Variants in CCDC68 observed in about 807,000 individuals in gnomAD.
CCDC68 encodes the protein coiled-coil domain-containing protein 68.
A neutral mutation model predicts 47.1 loss-of-function variants in CCDC68; 45 were observed. That is an observed-to-expected ratio of 0.96 (90% CI 0.75 to 1.23). CCDC68 has a LOEUF of 1.23. Among genes scored for constraint, CCDC68 ranks in the 50% most tolerant of loss-of-function variants. The pLI, the probability that CCDC68 is intolerant of heterozygous loss-of-function variation, is 0.00. For missense variants in CCDC68, 353 were observed against 373.6 expected (o/e 0.94, Z 0.45); for synonymous variants, 131 against 129.5 (o/e 1.01, Z -0.08).
At chr18:54,935,543 T>A (rs1310516500) in intron 6 of CCDC68, among the ~76,000 whole-genome samples, 1 of 152,160 alleles carries the variant, frequency 6.6e-6, no homozygotes, top group Non-Finnish European at 1.5e-5. Context: ...GCTTCCCTTG[T>A]AAATACCAAG....
At chr18:54,916,736 G>C (rs1487170864) in intron 10 of CCDC68, among the ~76,000 whole-genome samples, 1 of 152,164 alleles carries the variant, frequency 6.6e-6, no homozygotes, top group African/African-American at 2.4e-5. Flanking sequence ...CAGCAGCTGA[G>C]TGCTAGCAAG....
At chr18:54,929,060 A>G (rs1201293987) in intron 7 of CCDC68, among the ~76,000 whole-genome samples, 178 bp from the exon 8 acceptor site, 1 of 152,178 alleles carries the variant, frequency 6.6e-6, no homozygotes. Flanking sequence ...ACATAGTTCA[A>G]CTATAGGCCA....
chr18:54,907,972 T>C (rs181834327), intron 10 of CCDC68, 110 bp from the exon 11 acceptor site: 2 of 678,496 alleles, frequency 2.9e-6, no homozygotes, highest in Admixed American at 2.2e-5. Flanking sequence ...AGCAAGTTTG[T>C]TATTGCAGTT....
intron 10 of CCDC68, among the ~76,000 whole-genome samples, chr18:54,911,628 G>A (rs1914375141): frequency 1.3e-5 from 2 of 152,158 alleles, no homozygotes; most frequent in Admixed American, 1.3e-4. Flanking sequence ...ACAAGGGCAG[G>A]CACATATTAT....
chr18:54,910,456 G>A (rs1419842251), intron 10 of CCDC68, among the ~76,000 whole-genome samples: 1 of 152,216 alleles, frequency 6.6e-6, no homozygotes, highest in African/African-American at 2.4e-5. Flanking sequence ...GGAAGTATGT[G>A]CTGATTGCTC....
chr18:54,920,633 A>G (rs1432660404), intron 8 of CCDC68, among the ~76,000 whole-genome samples: 1 of 152,216 alleles, frequency 6.6e-6, no homozygotes, highest in African/African-American at 2.4e-5. Context: ...GCACATCTAA[A>G]CCACTATGAG....
chr18:54,924,188 A>C (rs957231060), intron 8 of CCDC68, among the ~76,000 whole-genome samples: 12 of 152,246 alleles, frequency 7.9e-5, no homozygotes, highest in African/African-American at 2.9e-4. Flanking sequence ...TGTTGAAATT[A>C]AAGCAGAATT....
intron 8 of CCDC68, among the ~76,000 whole-genome samples, chr18:54,925,414 T>C (rs2044128333): frequency 1.3e-5 from 2 of 152,150 alleles, no homozygotes; most frequent in South Asian, 2.1e-4. Flanking sequence ...GAATATAACA[T>C]GTTTAAATCT....
intron 1 of CCDC68, among the ~76,000 whole-genome samples, chr18:54,945,977 C>T (rs189036973): frequency 6.6e-6 from 1 of 152,314 alleles, no homozygotes; most frequent in East Asian, 1.9e-4. Flanking sequence ...AGTTTCCCTC[C>T]TGTTTGTACA....
At chr18:54,904,451 A>C in intron 11 of CCDC68, 36 bp from the exon 12 acceptor site, 1 of 1,545,962 alleles carries the variant, frequency 6.5e-7, no homozygotes, top group Non-Finnish European at 8.9e-7. Flanking sequence ...AAAATGGAGA[A>C]TGTTAAACTC....
chr18:54,954,567 G>C (rs948329639), intron 1 of CCDC68: 2 of 152,188 alleles, frequency 1.3e-5, no homozygotes, highest in African/African-American at 2.4e-5. Flanking sequence ...GGTGCTTACA[G>C]CTCAATACTA....
intron 8 of CCDC68, among the ~76,000 whole-genome samples, chr18:54,927,118 G>A (rs144876036): frequency 1.3e-5 from 2 of 152,226 alleles, no homozygotes; most frequent in African/African-American, 4.8e-5. Context: ...AAAAGAGTCT[G>A]AGTCATACTG....
At chr18:54,928,735 C>T in intron 8 of CCDC68, 65 bp downstream of exon 8, 1 of 985,632 alleles carries the variant, frequency 1.0e-6, no homozygotes, top group Non-Finnish European at 1.6e-6. Flanking sequence ...TGTTCCCTGG[C>T]TGGCATACCA....
rs747022075 is a variant in CCDC68 at position 54,928,784 on chromosome 18, A to T, written c.683+16T>A. On this transcript the variant is annotated intron_variant, in intron 8 of 11. Transcript: ENST00000591504. ...AAATCAGGAACTGCCTTTACTTAAC[A>T]GGTAGCTTCACAAACCTTTTTCCAT... is the stretch of plus-strand genomic sequence containing the variant. The T allele has an allele frequency of 1.3e-5, 20 of 1,560,506 alleles. No individual in the cohort carries two copies. Among genetic ancestry groups the T allele is most frequent in the Non-Finnish European group, 8.8e-6 (10 of 1,131,740 alleles).
chr18:54,924,212 T>G (rs1451655644), intron 8 of CCDC68, among the ~76,000 whole-genome samples: 1 of 152,182 alleles, frequency 6.6e-6, no homozygotes, highest in Admixed American at 6.5e-5. Flanking sequence ...AAGCTTTGGC[T>G]TCTAAGAAAA....
chr18:54,948,096 G>A (rs2145620941), intron 1 of CCDC68, among the ~76,000 whole-genome samples: 1 of 152,270 alleles, frequency 6.6e-6, no homozygotes, highest in South Asian at 2.1e-4. Flanking sequence ...GTGATGGGTT[G>A]AATTGTGTCC....
intron 1 of CCDC68, among the ~76,000 whole-genome samples, chr18:54,955,896 T>C (rs1296596138): frequency 2.0e-5 from 3 of 151,344 alleles, no homozygotes; most frequent in Admixed American, 1.3e-4. Flanking sequence ...TTTTAAAAAA[T>C]CATTTTTAGT....
At chr18:54,937,733 G>C in intron 5 of CCDC68, 1 of 375,026 alleles carries the variant, frequency 2.7e-6, no homozygotes. Context: ...TATAACTGTT[G>C]AACTTTTGTA....
At chr18:54,950,897 C>CTTTTTTT (rs869026740) in intron 1 of CCDC68, among the ~76,000 whole-genome samples, 11 of 61,960 alleles carry the variant, frequency 1.8e-4, no homozygotes, top group East Asian at 6.3e-4. Context: ...ATTCAGATGT[C>CTTTTTTT]TTTTTTTTTT....
Sources: gnomAD v4.1 joint callset for allele counts (sites outside exome capture counted in the v4.1 genomes callset) on GRCh38, gnomAD v4.1.1 for gene constraint, MANE v1.5 for transcripts, NCBI Gene and HGNC (gene_info 2026-07-23, HGNC 2026-07-21) for gene names.